PAIP2: variants seen among roughly 807,000 people sequenced by gnomAD.
PAIP2 encodes poly(A) binding protein interacting protein 2.
In PAIP2, 7 loss-of-function variants were observed where a neutral mutation model predicts 14.8. That is an observed-to-expected ratio of 0.47 (90% CI 0.27 to 0.89). The LOEUF is 0.89. Ranked by LOEUF, PAIP2 falls within the 40% of genes least tolerant of loss-of-function variation. PAIP2 has a pLI of 0.13. For missense variants in PAIP2, 122 were observed against 154.7 expected (o/e 0.79, Z 1.12); for synonymous variants, 47 against 45.3 (o/e 1.04, Z -0.15).
In PAIP2 at chr5:139,369,055, ACAAGCAC is replaced by A; in HGVS notation, c.*261_*267del. On this transcript the variant is annotated 3_prime_UTR_variant, in exon 4 of 4. Transcript: ENST00000265192. ...GAAAGAAGCACCAGTCAAGTTGTGA[ACAAGCAC>A]CAAATTAAAAGACCTAAACCTTACC... The A allele has an allele frequency of 2.9e-6, 1 of 347,612 alleles. No homozygotes were observed. The highest frequency in any genetic ancestry group is 5.2e-6 in the Non-Finnish European group (1 of 191,992). The allele number at this position is 347,612 out of a possible 1,614,324, so 21.5% of individuals were successfully genotyped here.
At chr5:139,366,011 C>T (rs1324999621) in intron 3 of PAIP2, among the ~76,000 whole-genome samples, 1 of 151,948 alleles carries the variant, frequency 6.6e-6, no homozygotes, top group Admixed American at 6.6e-5. Context: ...ACCAGCCTGA[C>T]CAACATGGTG....
At chr5:139,355,158 G>GTC (rs988144797) in intron 1 of PAIP2, among the ~76,000 whole-genome samples, 4 of 133,484 alleles carry the variant, frequency 3.0e-5, no homozygotes, top group Admixed American at 8.1e-5. Flanking sequence ...ATTTCTATTT[G>GTC]TCTCTCTCTT....
At chr5:139,347,486 CT>C (rs1756588845) in intron 1 of PAIP2, among the ~76,000 whole-genome samples, 1 of 151,888 alleles carries the variant, frequency 6.6e-6, no homozygotes, top group South Asian at 2.1e-4. Context: ...ATTGGCCGGG[CT>C]TTTCTAGAAC....
chr5:139,365,393 G>A (rs1468551933), intron 3 of PAIP2, among the ~76,000 whole-genome samples: 2 of 151,742 alleles, frequency 1.3e-5, no homozygotes, highest in Admixed American at 6.6e-5. Flanking sequence ...AAAAGGCTGA[G>A]GCAGGAGAAT....
chr5:139,352,420 C>T (rs1020797043), intron 1 of PAIP2, among the ~76,000 whole-genome samples: 19 of 150,436 alleles, frequency 1.3e-4, no homozygotes, highest in African/African-American at 4.6e-4. Flanking sequence ...CATAACATGC[C>T]TTGAAACAAA....
chr5:139,349,863 A>G lies in PAIP2; in HGVS notation c.-27+7883A>G, dbSNP rs372119214. 5.3e-5 allele frequency among the ~76,000 whole-genome samples: 8 copies of G among 152,162 alleles called. No individual in the cohort carries two copies. In the South Asian group the frequency reaches 1.7e-3, roughly 32 times the overall value. ...CTAAAAATACAAAAGTTAGCTGGAC[A>G]TGGTGGCGTGCACCTGTGATCCCAG... On this transcript the variant is annotated intron_variant, in intron 1 of 3. Coordinates refer to ENST00000265192, the MANE Select transcript of PAIP2 (RefSeq NM_016480.5).
intron 1 of PAIP2, among the ~76,000 whole-genome samples, chr5:139,350,398 C>T (rs1231028960): frequency 3.3e-5 from 5 of 151,878 alleles, no homozygotes; most frequent in Admixed American, 1.3e-4. Flanking sequence ...TTTGGGAGGC[C>T]GAGGTGGGCG....
intron 1 of PAIP2, among the ~76,000 whole-genome samples, chr5:139,356,130 T>C (rs569555562): frequency 7.3e-6 from 1 of 136,822 alleles, no homozygotes; most frequent in Non-Finnish European, 1.6e-5. Context: ...AGAGCAAAAC[T>C]CTGTCTCAAA....
intron 1 of PAIP2, among the ~76,000 whole-genome samples, chr5:139,355,171 T>TTC (rs1756871669): frequency 6.8e-6 from 1 of 148,148 alleles, no homozygotes; most frequent in African/African-American, 2.5e-5. Context: ...TCTCTCTTTT[T>TTC]TTTTTTTTTT....
chr5:139,363,958 T>C, intron 2 of PAIP2, 36 bp downstream of exon 2: 5 of 1,585,430 alleles, frequency 3.2e-6, no homozygotes, highest in Non-Finnish European at 4.3e-6. Context: ...TTATAGTCCA[T>C]TCTGGCCCTC....
At chr5:139,367,494 G>T (rs1468517625) in intron 3 of PAIP2, 3 of 148,640 alleles carry the variant, frequency 2.0e-5, no homozygotes, top group African/African-American at 2.5e-5. Flanking sequence ...TTTTTTAACT[G>T]ATGCAAAAAT....
chr5:139,343,463 A>C (rs1395010765), intron 1 of PAIP2: 2 of 152,196 alleles, frequency 1.3e-5, no homozygotes, highest in Non-Finnish European at 2.9e-5. Flanking sequence ...TTTTCCTTAA[A>C]TAAGCACTCT....
At chr5:139,364,767 T>G in intron 3 of PAIP2, 24 bp downstream of exon 3, 2 of 1,521,496 alleles carry the variant, frequency 1.3e-6, no homozygotes, top group Non-Finnish European at 1.8e-6. Context: ...TTTCATCTTT[T>G]TAAAACCTAG....
rs147048081 is a variant in PAIP2, at chr5:139,359,311, T to G, written c.-26-4448T>G. 1.7e-3 allele frequency among the ~76,000 whole-genome samples: 261 copies of G among 152,140 alleles called. 3 individuals carry two copies. The highest frequency in any genetic ancestry group is 0.015 in the East Asian group (76 of 5,130). On this transcript the variant is annotated intron_variant, in intron 1 of 3. Coordinates refer to ENST00000265192, the MANE Select transcript of PAIP2 (RefSeq NM_016480.5). ...GCCATCACACCCGGCTAATTTTTTT[T>G]CATTTTCAGTAGAGACAGGGTTTCG...
chr5:139,350,655 A>T (rs1285043739), intron 1 of PAIP2, among the ~76,000 whole-genome samples: 1 of 151,876 alleles, frequency 6.6e-6, no homozygotes, highest in African/African-American at 2.4e-5. Context: ...ATAAATAAAT[A>T]AAAAATTGAA....
At chr5:139,360,036 G>A (rs895357035) in intron 1 of PAIP2, among the ~76,000 whole-genome samples, 8 of 151,650 alleles carry the variant, frequency 5.3e-5, no homozygotes, top group South Asian at 2.1e-4. Context: ...GCGCAGTCTC[G>A]GCTCACTGCA....
intron 1 of PAIP2, among the ~76,000 whole-genome samples, chr5:139,348,094 C>T (rs970857887): frequency 4.7e-5 from 7 of 147,812 alleles, no homozygotes; most frequent in Admixed American, 2.1e-4. Flanking sequence ...TGCAGTGACC[C>T]GAGATCGTGC....
chr5:139,342,355 A>C (rs976867840), intron 1 of PAIP2: 1 of 151,992 alleles, frequency 6.6e-6, no homozygotes, highest in Non-Finnish European at 1.5e-5. Context: ...CCGCCTCGGC[A>C]ACAAAGCTTA....
chr5:139,368,433 G>A (rs1757431483), intron 3 of PAIP2, among the ~76,000 whole-genome samples: 1 of 152,160 alleles, frequency 6.6e-6, no homozygotes, highest in Non-Finnish European at 1.5e-5. Flanking sequence ...GGAGGCTGAG[G>A]CAGGAGAATC....
Sources: allele counts gnomAD v4.1 joint callset (sites outside exome capture counted in the v4.1 genomes callset), GRCh38; gene constraint gnomAD v4.1.1; transcripts MANE v1.5; gene names NCBI Gene and HGNC (gene_info 2026-07-23, HGNC 2026-07-21).